Variants in AFG2A observed in about 807,000 individuals in gnomAD.
The protein encoded by AFG2A is ATPase family gene 2 protein homolog A.
the AFG2A span, among the ~76,000 whole-genome samples, chr4:123,063,811 G>C: frequency 6.6e-6 from 1 of 151,798 alleles, no homozygotes; most frequent in African/African-American, 2.4e-5. Flanking sequence ...TTTCACAATT[G>C]AGCAAAGAAT....
At chr4:123,124,837 T>A in the AFG2A span, among the ~76,000 whole-genome samples, 1 of 152,244 alleles carries the variant, frequency 6.6e-6, no homozygotes, top group Admixed American at 6.5e-5. Context: ...ATGAATGAAT[T>A]GAAATCTAAC....
At chr4:122,970,054 C>T in the AFG2A span, among the ~76,000 whole-genome samples, 29 of 152,132 alleles carry the variant, frequency 1.9e-4, no homozygotes, top group Middle Eastern at 3.4e-3. Context: ...TTTGGTGTAG[C>T]CTAAGTGGAT....
chr4:123,070,612 G>C, the AFG2A span, among the ~76,000 whole-genome samples: 3 of 152,120 alleles, frequency 2.0e-5, no homozygotes, highest in Non-Finnish European at 4.4e-5. Flanking sequence ...TTCCATACAT[G>C]AGGGCTCCAC....
chr4:123,150,029 G>T, the AFG2A span, among the ~76,000 whole-genome samples: 1 of 151,910 alleles, frequency 6.6e-6, no homozygotes, highest in African/African-American at 2.4e-5. Flanking sequence ...AAAACCACAT[G>T]ATTATCTCAG....
chr4:123,001,266 A>T, the AFG2A span, among the ~76,000 whole-genome samples: 1 of 152,142 alleles, frequency 6.6e-6, no homozygotes, highest in African/African-American at 2.4e-5. Context: ...TCCTGGATTC[A>T]TTAATGTTTT....
chr4:123,137,220 C>T, the AFG2A span, among the ~76,000 whole-genome samples: 1 of 152,122 alleles, frequency 6.6e-6, no homozygotes, highest in Non-Finnish European at 1.5e-5. Context: ...ATCCACAACC[C>T]GGGGGTTGAT....
the AFG2A span, among the ~76,000 whole-genome samples, chr4:123,260,911 G>A: frequency 2.0e-5 from 3 of 152,220 alleles, no homozygotes; most frequent in African/African-American, 7.2e-5. Flanking sequence ...CATAGCATGA[G>A]TGAGTGGCAG....
At chr4:123,236,912 GTTTAAC>G in the AFG2A span, among the ~76,000 whole-genome samples, 4 of 152,274 alleles carry the variant, frequency 2.6e-5, no homozygotes, top group East Asian at 1.9e-4. Context: ...CTGAAAATTG[GTTTAAC>G]TTTAACTGCA....
chr4:122,998,045 T>C, the AFG2A span, among the ~76,000 whole-genome samples: 1 of 152,302 alleles, frequency 6.6e-6, no homozygotes, highest in East Asian at 1.9e-4. Context: ...CTAGATATGA[T>C]TCCTTTATCA....
the AFG2A span, among the ~76,000 whole-genome samples, chr4:123,115,479 G>A: frequency 1.3e-5 from 2 of 152,046 alleles, no homozygotes; most frequent in South Asian, 4.1e-4. Flanking sequence ...CCTGAAGTAC[G>A]GCCCCACTGT....
the AFG2A span, among the ~76,000 whole-genome samples, chr4:123,045,226 G>T: frequency 6.6e-6 from 1 of 152,034 alleles, no homozygotes. Context: ...AAATTTGCAA[G>T]AACAGTCACA....
the AFG2A span, chr4:123,313,911 A>C: frequency 2.5e-6 from 4 of 1,603,204 alleles, no homozygotes; most frequent in Admixed American, 5.2e-5. Flanking sequence ...GCAGAGAGGC[A>C]GCTCTTCTGG....
At chr4:123,267,056 T>C in the AFG2A span, among the ~76,000 whole-genome samples, 1 of 151,998 alleles carries the variant, frequency 6.6e-6, no homozygotes, top group Admixed American at 6.5e-5. Flanking sequence ...AATTGACATG[T>C]TCTCGTTCTT....
the AFG2A span, among the ~76,000 whole-genome samples, chr4:123,039,220 A>G: frequency 6.6e-6 from 1 of 152,152 alleles, no homozygotes; most frequent in Admixed American, 6.5e-5. Context: ...GCCTGAATAA[A>G]GAAATCTCTT....
At chr4:122,986,236 A>G in the AFG2A span, among the ~76,000 whole-genome samples, 1 of 152,072 alleles carries the variant, frequency 6.6e-6, no homozygotes, top group Non-Finnish European at 1.5e-5. Flanking sequence ...TGTTGAATAG[A>G]AGGTGTATTC....
At chr4:122,965,233 G>T in the AFG2A span, among the ~76,000 whole-genome samples, 1 of 152,254 alleles carries the variant, frequency 6.6e-6, no homozygotes, top group South Asian at 2.1e-4. Context: ...TTCTAATGAA[G>T]GAGCTTAATT....
At chr4:123,228,408 A>G in the AFG2A span, among the ~76,000 whole-genome samples, 1 of 151,976 alleles carries the variant, frequency 6.6e-6, no homozygotes, top group African/African-American at 2.4e-5. Context: ...AAAGAGGAAA[A>G]TCTTAAAAGC....
the AFG2A span, among the ~76,000 whole-genome samples, chr4:123,066,846 C>T: frequency 1.3e-5 from 2 of 152,014 alleles, no homozygotes; most frequent in Non-Finnish European, 2.9e-5. Flanking sequence ...AAGCAAGAGA[C>T]GAAATGGAAA....
the AFG2A span, among the ~76,000 whole-genome samples, chr4:122,939,136 A>C: frequency 8.6e-6 from 1 of 115,906 alleles, no homozygotes; most frequent in Non-Finnish European, 1.6e-5. Flanking sequence ...CCCAGGCTGG[A>C]GTGCAATGGC....
Sources: allele counts gnomAD v4.1 joint callset (sites outside exome capture counted in the v4.1 genomes callset), GRCh38; gene constraint gnomAD v4.1.1; transcripts MANE v1.5; gene names NCBI Gene and HGNC (gene_info 2026-07-23, HGNC 2026-07-21).